PRSS12: variants seen among roughly 807,000 people sequenced by gnomAD.
PRSS12 encodes the protein neurotrypsin.
Under a neutral mutation model 104.4 loss-of-function variants are expected in PRSS12, and 85 were observed. The ratio of observed to expected loss-of-function variants is 0.81; its 90% CI spans 0.68 to 0.98. PRSS12 has a LOEUF of 0.98. Among genes scored for constraint, PRSS12 ranks in the 50% least tolerant of loss-of-function variants. The pLI, the probability that PRSS12 is intolerant of heterozygous loss-of-function variation, is 0.00. For missense variants in PRSS12, 1,141 were observed against 1,139.2 expected (o/e 1.00, Z -0.02); for synonymous variants, 454 against 425.2 (o/e 1.07, Z -0.83).
chr4:118,322,454 G>A (rs991770760), intron 4 of PRSS12, among the ~76,000 whole-genome samples: 12 of 152,052 alleles, frequency 7.9e-5, no homozygotes, highest in Admixed American at 3.3e-4. Flanking sequence ...GCTGCGGCAG[G>A]AGAATCACTC....
chr4:118,288,980 G>A (rs925784069), intron 11 of PRSS12, among the ~76,000 whole-genome samples: 1 of 152,158 alleles, frequency 6.6e-6, no homozygotes, highest in African/African-American at 2.4e-5. Flanking sequence ...ATGGAAATGT[G>A]TGAAAGCTAT....
At chr4:118,343,297 A>C (rs1363747273) in intron 1 of PRSS12, among the ~76,000 whole-genome samples, 1 of 152,128 alleles carries the variant, frequency 6.6e-6, no homozygotes, top group Non-Finnish European at 1.5e-5. Context: ...CAGGCTACTA[A>C]GGCGGAAGGA....
rs754830727 is a variant in PRSS12, at chr4:118,281,918, T to C, written c.*18A>G. On this transcript the variant is annotated 3_prime_UTR_variant, in exon 13 of 13. Coordinates refer to ENST00000296498, the MANE Select transcript of PRSS12 (RefSeq NM_003619.4). ...TTTTCCATTTGTTTAAATGCTGCTTTGAAGTTTCCATGAAGAATTACAGTT... is the reference window on the plus strand; with the variant it reads ...TTTTCCATTTGTTTAAATGCTGCTTCGAAGTTTCCATGAAGAATTACAGTT... 1 of 1,083,758 alleles carries C rather than the reference T, an allele frequency of 9.2e-7. No homozygotes were observed. Among genetic ancestry groups the C allele is most frequent in the Admixed American group, 1.7e-5 (1 of 59,364 alleles). 67.1% of individuals were successfully genotyped at this position (1,083,758 alleles called of 1,614,324 possible).
intron 11 of PRSS12, among the ~76,000 whole-genome samples, chr4:118,283,942 A>G (rs1022076345): frequency 1.3e-5 from 2 of 151,858 alleles, no homozygotes; most frequent in South Asian, 4.2e-4. Flanking sequence ...GGAATGCAAA[A>G]AATTGATTAA....
At chr4:118,342,102 G>C (rs567185629) in intron 1 of PRSS12, among the ~76,000 whole-genome samples, 1 of 152,158 alleles carries the variant, frequency 6.6e-6, no homozygotes. Flanking sequence ...TCCCACAGCT[G>C]TACAAAGTTG....
chr4:118,311,737 T>A (rs913627349), intron 7 of PRSS12, among the ~76,000 whole-genome samples: 3 of 152,182 alleles, frequency 2.0e-5, no homozygotes, highest in Admixed American at 6.6e-5. Context: ...TTAAATTTTT[T>A]AAAAATACAT....
chr4:118,326,540 G>A (rs1351224763), intron 4 of PRSS12, among the ~76,000 whole-genome samples: 1 of 152,166 alleles, frequency 6.6e-6, no homozygotes, highest in Non-Finnish European at 1.5e-5. Context: ...CTCCTGGAAC[G>A]CTGTCAATTG....
Position 118,318,035 on chromosome 4 carries a change from C to T in PRSS12, c.1150+343G>A, listed in dbSNP as rs7670354. 7.2e-3 allele frequency among the ~76,000 whole-genome samples: 1,099 copies of T among 152,128 alleles called. 14 individuals carry two copies. Among genetic ancestry groups the T allele is most frequent in the African/African-American group, 0.025 (1,040 of 41,472 alleles). ...TCTAAACACATTCTGAGTCAAGAAA[C>T]GTTAATAGATGAATGGACTAAAGAT... On this transcript the variant is annotated intron_variant, in intron 5 of 12. Transcript: ENST00000296498.
At chr4:118,306,202 G>A (rs546014183) in intron 8 of PRSS12, among the ~76,000 whole-genome samples, 5 of 152,148 alleles carry the variant, frequency 3.3e-5, no homozygotes, top group Admixed American at 3.3e-4. Flanking sequence ...TGTGCATAAG[G>A]GTTTCAGTTT....
intron 11 of PRSS12, among the ~76,000 whole-genome samples, chr4:118,285,448 CT>C (rs1742991797): frequency 6.6e-6 from 1 of 152,118 alleles, no homozygotes; most frequent in South Asian, 2.1e-4. Flanking sequence ...TGATTTAACA[CT>C]TTTCCCACAA....
intron 4 of PRSS12, among the ~76,000 whole-genome samples, chr4:118,323,448 A>G (rs2126037571): frequency 6.6e-6 from 1 of 151,874 alleles, no homozygotes; most frequent in Non-Finnish European, 1.5e-5. Context: ...GATGGCTTAA[A>G]TATAGGTGGA....
chr4:118,316,192 A>G lies in PRSS12; in HGVS notation c.1282T>C (p.Leu428=). 1 of 1,614,056 alleles carries G rather than the reference A, an allele frequency of 6.2e-7. No individual in the cohort carries two copies. Among genetic ancestry groups the G allele is most frequent in the Non-Finnish European group, 8.5e-7 (1 of 1,179,980 alleles). Residue 428 remains leucine (L), a synonymous_variant, in exon 6 of 13, where the codon TTG becomes CTG. Transcript: ENST00000296498. The part of the protein sequence containing the change: ...ELNTYVVCRQ[L]GFKYGKQASA... Reference sequence around the variant, plus strand: ...ATTAATGAACCTTACTTAAATCCCAATTGTCGACAAACCACGTATGTATTC... The same window carrying G: ...ATTAATGAACCTTACTTAAATCCCAGTTGTCGACAAACCACGTATGTATTC...
chr4:118,317,086 A>G (rs1723462523), intron 5 of PRSS12, among the ~76,000 whole-genome samples: 1 of 151,902 alleles, frequency 6.6e-6, no homozygotes, highest in Non-Finnish European at 1.5e-5. Context: ...AAATAGGATG[A>G]CAGAAAAAAA....
At chr4:118,338,446 G>T in intron 1 of PRSS12, 132 bp from the exon 2 acceptor site, 1 of 1,137,056 alleles carries the variant, frequency 8.8e-7, no homozygotes, top group Non-Finnish European at 1.3e-6. Context: ...AGCCTCCACT[G>T]TGTGTGGCAT....
chr4:118,287,625 C>G (rs1398470044), intron 11 of PRSS12, among the ~76,000 whole-genome samples: 1 of 152,146 alleles, frequency 6.6e-6, no homozygotes, highest in Non-Finnish European at 1.5e-5. Context: ...CTAGTGTCAC[C>G]TCTCCTAGTG....
intron 11 of PRSS12, among the ~76,000 whole-genome samples, chr4:118,287,221 T>C (rs929001113): frequency 6.6e-6 from 1 of 152,168 alleles, no homozygotes; most frequent in Non-Finnish European, 1.5e-5. Context: ...CACGGCTTAC[T>C]GCGAGCCTTG....
chr4:118,285,963 A>T (rs576181545), intron 11 of PRSS12, among the ~76,000 whole-genome samples: 20 of 152,332 alleles, frequency 1.3e-4, no homozygotes, highest in African/African-American at 4.8e-4. Context: ...TTATCTATAA[A>T]AATTGAGTCT....
intron 3 of PRSS12, among the ~76,000 whole-genome samples, chr4:118,332,463 C>T (rs1200022610): frequency 1.3e-5 from 2 of 152,136 alleles, no homozygotes; most frequent in Admixed American, 6.5e-5. Flanking sequence ...ATGTGACTAC[C>T]GTCTCATAAT....
chr4:118,349,455 G>C (rs901456085), intron 1 of PRSS12, among the ~76,000 whole-genome samples: 1 of 150,982 alleles, frequency 6.6e-6, no homozygotes, highest in Non-Finnish European at 1.5e-5. Flanking sequence ...AAGCATAAGA[G>C]ACTGTAAATC....
Sources: gnomAD v4.1 joint callset for allele counts (sites outside exome capture counted in the v4.1 genomes callset) on GRCh38, gnomAD v4.1.1 for gene constraint, MANE v1.5 for transcripts, NCBI Gene and HGNC (gene_info 2026-07-23, HGNC 2026-07-21) for gene names.